DPP6: variants seen among roughly 807,000 people sequenced by gnomAD.
DPP6 encodes the protein A-type potassium channel modulatory protein DPP6.
A neutral mutation model predicts 122.6 loss-of-function variants in DPP6; 69 were observed. That is an observed-to-expected ratio of 0.56 (90% confidence interval 0.46 to 0.69). The LOEUF is 0.69. Among genes scored for constraint, DPP6 ranks in the 30% least tolerant of loss-of-function variants. DPP6 has a pLI of 0.00. For synonymous variants in DPP6, 418 were observed against 433.1 expected (o/e 0.97, Z 0.43); for missense variants, 928 against 1,116.9 (o/e 0.83, Z 2.41).
At chr7:154,390,982 T>C (rs1400080419) in intron 1 of DPP6, among the ~76,000 whole-genome samples, 1 of 152,126 alleles carries the variant, frequency 6.6e-6, no homozygotes, top group Non-Finnish European at 1.5e-5. Context: ...TTGCTTTACT[T>C]CTCCGCACCT....
At chr7:154,222,311 C>G (rs1487775519) in intron 1 of DPP6, among the ~76,000 whole-genome samples, 1 of 152,148 alleles carries the variant, frequency 6.6e-6, no homozygotes, top group Non-Finnish European at 1.5e-5. Flanking sequence ...TCTGGCCTTC[C>G]TCAGGTCCTA....
intron 5 of DPP6, among the ~76,000 whole-genome samples, chr7:154,589,387 C>A (rs1319475621): frequency 6.6e-6 from 1 of 152,164 alleles, no homozygotes; most frequent in Non-Finnish European, 1.5e-5. Context: ...CCTTGTAGAC[C>A]ACTTACTTTC....
chr7:154,188,259 TA>T (rs1434986335), intron 1 of DPP6, among the ~76,000 whole-genome samples: 1 of 152,186 alleles, frequency 6.6e-6, no homozygotes, highest in Non-Finnish European at 1.5e-5. Context: ...TTTTTATTCT[TA>T]AGAGCAGTGA....
At chr7:154,758,433 T>A (rs1277096930) in intron 8 of DPP6, among the ~76,000 whole-genome samples, 1 of 150,236 alleles carries the variant, frequency 6.7e-6, no homozygotes, top group African/African-American at 2.5e-5. Context: ...GTGCAGTGGC[T>A]CAATCTCGAC....
chr7:154,246,581 A>T (rs1181036653), intron 1 of DPP6, among the ~76,000 whole-genome samples: 3 of 152,156 alleles, frequency 2.0e-5, no homozygotes, highest in Non-Finnish European at 4.4e-5. Context: ...AATAGCTGAA[A>T]CAGTCTTGAA....
chr7:154,255,762 A>G (rs1455094956), intron 1 of DPP6, among the ~76,000 whole-genome samples: 1 of 152,208 alleles, frequency 6.6e-6, no homozygotes, highest in Non-Finnish European at 1.5e-5. Context: ...CTATTGTTTC[A>G]CAATGCTTTG....
intron 8 of DPP6, among the ~76,000 whole-genome samples, chr7:154,750,461 G>A (rs2131459195): frequency 6.6e-6 from 1 of 152,348 alleles, no homozygotes; most frequent in South Asian, 2.1e-4. Context: ...AGGGAAGGCA[G>A]GAAAGAAACT....
chr7:154,673,882 T>C (rs976016863), intron 7 of DPP6, among the ~76,000 whole-genome samples: 20 of 107,610 alleles, frequency 1.9e-4, no homozygotes, highest in Admixed American at 6.0e-4. Context: ...TGTTTCTTTC[T>C]TTTTTTTTTT....
chr7:153,808,271 G>C, the DPP6 span, among the ~76,000 whole-genome samples: 1 of 150,982 alleles, frequency 6.6e-6, no homozygotes, highest in Admixed American at 6.6e-5. Context: ...GTGCCTGTGT[G>C]TGCGCACGTG....
At chr7:154,032,782 A>G (rs192485300) in intron 1 of DPP6, among the ~76,000 whole-genome samples, 2,237 of 151,682 alleles carry the variant, frequency 0.015, 64 homozygotes, top group African/African-American at 0.046. Context: ...AAAGATCTAG[A>G]ACCTTTTCTA....
chr7:153,916,096 A>G (rs1306068851), intron 1 of DPP6, among the ~76,000 whole-genome samples: 1 of 150,132 alleles, frequency 6.7e-6, no homozygotes, highest in Non-Finnish European at 1.5e-5. Flanking sequence ...CCTCCCGAGT[A>G]GCTGGGACTA....
intron 6 of DPP6, among the ~76,000 whole-genome samples, chr7:154,639,948 C>A (rs1433056964): frequency 6.6e-6 from 1 of 152,158 alleles, no homozygotes; most frequent in African/African-American, 2.4e-5. Flanking sequence ...GTAAGTCAGG[C>A]TGACTCGAAA....
At chr7:154,762,531 C>T (rs900822065) in intron 8 of DPP6, among the ~76,000 whole-genome samples, 5 of 152,342 alleles carry the variant, frequency 3.3e-5, no homozygotes, top group East Asian at 1.9e-4. Flanking sequence ...CACGGCCTTC[C>T]GCAGTAGTTG....
At chr7:154,615,484 GT>G (rs1834179080) in intron 5 of DPP6, among the ~76,000 whole-genome samples, 1 of 152,036 alleles carries the variant, frequency 6.6e-6, no homozygotes, top group South Asian at 2.1e-4. Context: ...TTTCCCTCCA[GT>G]TTTTGTGGAA....
chr7:154,545,497 A>ATCCTTCCTTCCTTCCTTCCATCCT (rs1829110472), intron 4 of DPP6, among the ~76,000 whole-genome samples: 2 of 122,034 alleles, frequency 1.6e-5, no homozygotes, highest in Non-Finnish European at 3.2e-5. Flanking sequence ...CCTTCCTTCC[A>ATCCTTCCTTCCTTCCTTCCATCCT]TCCTTCCTTC....
chr7:154,509,730 C>T (rs754593029), intron 3 of DPP6, among the ~76,000 whole-genome samples: 1 of 152,126 alleles, frequency 6.6e-6, no homozygotes, highest in Non-Finnish European at 1.5e-5. Flanking sequence ...CCCAAATGTA[C>T]ATTTGTGTAA....
chr7:154,380,954 G>A (rs565132586), intron 1 of DPP6, among the ~76,000 whole-genome samples: 1 of 152,320 alleles, frequency 6.6e-6, no homozygotes, highest in South Asian at 2.1e-4. Context: ...AAAGCTGGAG[G>A]CTTCCAGAAA....
At chr7:154,874,198 C>G (rs1278763770) in intron 19 of DPP6, among the ~76,000 whole-genome samples, 1 of 152,236 alleles carries the variant, frequency 6.6e-6, no homozygotes, top group Non-Finnish European at 1.5e-5. Flanking sequence ...ATTTTCCCCA[C>G]TTTCTCCAGG....
At chr7:153,866,546 T>G in the DPP6 span, among the ~76,000 whole-genome samples, 1 of 152,230 alleles carries the variant, frequency 6.6e-6, no homozygotes, top group Non-Finnish European at 1.5e-5. Flanking sequence ...ATTCTGGATA[T>G]TCACCCTTTG....
Sources: allele counts gnomAD v4.1 joint callset (sites outside exome capture counted in the v4.1 genomes callset), GRCh38; gene constraint gnomAD v4.1.1; transcripts MANE v1.5; gene names NCBI Gene and HGNC (gene_info 2026-07-23, HGNC 2026-07-21).